Variants in LRRC53 observed in about 807,000 individuals in gnomAD.
LRRC53 encodes leucine rich repeat containing 53, also known as leucine-rich repeat-containing protein 53.
Under a neutral mutation model 13.6 loss-of-function variants are expected in LRRC53, and 25 were observed. The observed-to-expected ratio is 1.83, with a 90% confidence interval of 1.34 to 2.56. LRRC53 has a LOEUF of 2.56. Ranked by LOEUF, LRRC53 falls within the 30% of genes most tolerant of loss-of-function variation. The pLI, the probability that LRRC53 is intolerant of heterozygous loss-of-function variation, is 0.00. For missense variants in LRRC53, 527 were observed against 275.8 expected (o/e 1.91, Z -6.45); for synonymous variants, 204 against 109.8 (o/e 1.86, Z -5.37).
chr1:74,470,003 C>G lies in LRRC53; in HGVS notation c.3619G>C (p.Glu1207Gln). The change falls in exon 5 of 5, where the codon GAG (glutamate) becomes CAG (glutamine). Residue 1207 changes from glutamate to glutamine, a missense_variant. By Grantham distance (29) the Glu-to-Gln change is conservative. Coordinates refer to ENST00000294635, the MANE Select transcript of LRRC53 (RefSeq NM_001382280.1). ...SFLPGLKDSFEAENEVFLVPS... is the reference protein window; with the variant it reads ...SFLPGLKDSFQAENEVFLVPS... ...ACTAAAAACACCTCATTTTCTGCCT[C>G]AAAACTGTCTTTTAACCCTGGTAAG... The G allele has an allele frequency of 2.5e-6, 1 of 400,700 alleles. No individual in the cohort carries two copies. Among genetic ancestry groups the G allele is most frequent in the Non-Finnish European group, 4.4e-6 (1 of 226,162 alleles). The allele number at this position is 400,700 out of a possible 1,614,324, so 24.8% of individuals were successfully genotyped here.
intron 1 of LRRC53, among the ~76,000 whole-genome samples, chr1:74,487,759 C>T (rs796367191): frequency 8.5e-5 from 13 of 152,250 alleles, no homozygotes; most frequent in African/African-American, 3.1e-4. Flanking sequence ...TTTGGAACTG[C>T]TCGTAATAAA....
In LRRC53 at chr1:74,471,937, T is replaced by G. The variant is rs1446639739; in HGVS notation, c.1685A>C (p.Lys562Thr). The G allele has an allele frequency of 3.8e-6, 2 of 522,918 alleles. No homozygotes were observed. The highest frequency in any genetic ancestry group is 6.8e-6 in the Non-Finnish European group (2 of 293,226). 32.4% of individuals were successfully genotyped at this position (522,918 alleles called of 1,614,324 possible). Residue 562 changes from lysine (K) to threonine (T), a missense_variant, in exon 5 of 5, where the codon AAA (lysine) becomes ACA (threonine). Transcript: ENST00000294635. The stretch of plus-strand genomic sequence containing the variant: ...ATTGTTTGGCTGAAAATACCTAGGT[T>G]TGCTCTGTTTTAACAGTCCACAAGG... ...DDPCGLLKQSKPRYFQPNNSL... is the reference protein window; with the variant it reads ...DDPCGLLKQSTPRYFQPNNSL...
the LRRC53 span, among the ~76,000 whole-genome samples, chr1:74,535,033 T>C: frequency 1.4e-4 from 21 of 151,604 alleles, no homozygotes; most frequent in African/African-American, 5.1e-4. Context: ...GGCATGTATG[T>C]AAAAATCAGG....
rs1306515090 is a variant in LRRC53, at chr1:74,480,650, A to T, written c.407T>A (p.Leu136His). The change falls in exon 3 of 5, where the codon CTC becomes CAC. Residue 136 changes from leucine to histidine, a missense_variant. Transcript: ENST00000294635. The stretch of plus-strand genomic sequence containing the variant: ...AGTAATCTGATTCCCATCCAGCTGG[A>T]GCCGGGTCAGGCCGCTTGTGTTTCG... ...WFRNTSGLTR[L>H]QLDGNQITNL... 2.8e-6 allele frequency: 2 copies of T among 717,266 alleles called. No individual in the cohort carries two copies. Among genetic ancestry groups the T allele is most frequent in the East Asian group, 2.7e-5 (1 of 37,284 alleles). The allele number at this position is 717,266 out of a possible 1,614,324, so 44.4% of individuals were successfully genotyped here.
chr1:74,495,362 T>C (rs1273718048), intron 1 of LRRC53, among the ~76,000 whole-genome samples: 2 of 152,228 alleles, frequency 1.3e-5, no homozygotes, highest in African/African-American at 4.8e-5. Flanking sequence ...GTATGTTCTA[T>C]TCATTACTGT....
chr1:74,518,500 A>G, the LRRC53 span, among the ~76,000 whole-genome samples: 1 of 151,884 alleles, frequency 6.6e-6, no homozygotes, highest in Non-Finnish European at 1.5e-5. Context: ...TGATTCTCCC[A>G]CCTCAATATG....
intron 1 of LRRC53, among the ~76,000 whole-genome samples, chr1:74,509,116 A>C (rs1670053823): frequency 1.3e-5 from 2 of 152,136 alleles, no homozygotes; most frequent in Admixed American, 1.3e-4. Context: ...TCTCTTTGAG[A>C]TAGTAGAGCA....
chr1:74,535,214 C>A, the LRRC53 span, among the ~76,000 whole-genome samples: 1 of 152,130 alleles, frequency 6.6e-6, no homozygotes, highest in East Asian at 1.9e-4. Context: ...CTGTGGCTCA[C>A]ACCTGTAATC....
At position 74,480,529 on chromosome 1, in the gene LRRC53, G is replaced by A. The variant is rs1668436286; in HGVS notation, c.528C>T (p.Ala176=). 1.4e-6 allele frequency: 1 copy of A among 717,396 alleles called. No homozygotes were observed. The highest frequency in any genetic ancestry group is 2.6e-6 in the Non-Finnish European group (1 of 385,114). The allele number at this position is 717,396 out of a possible 1,614,324, so 44.4% of individuals were successfully genotyped here. ...CCTGTAGTTGAGGCAGGGGCCGGAA[G>A]GCATCTTTCCCAATGTAGGAAATAA... The part of the protein sequence containing the change: ...NNFISYIGKD[A]FRPLPQLQEV... The change falls in exon 3 of 5, where the codon GCC becomes GCT. Residue 176 remains alanine, a synonymous_variant. Coordinates refer to ENST00000294635, the MANE Select transcript of LRRC53 (RefSeq NM_001382280.1).
chr1:74,493,154 A>G (rs1669162125), intron 1 of LRRC53, among the ~76,000 whole-genome samples: 1 of 152,194 alleles, frequency 6.6e-6, no homozygotes, highest in Admixed American at 6.5e-5. Context: ...AGTCCATAGC[A>G]ATAGGTAAAT....
Position 74,470,505 on chromosome 1 carries a change from A to G in LRRC53, c.3117T>C (p.Ser1039=), listed in dbSNP as rs1019564598. ...CGGCTTGACTACTAACAGGAGAAGT[A>G]CTGATATCCTTGGGAAGTTCTATTC... is the stretch of plus-strand genomic sequence containing the variant. The part of the protein sequence containing the change: ...QNRIELPKDI[S]TSPVSSQAVW... Residue 1039 remains serine, a synonymous_variant, in exon 5 of 5, where the codon AGT becomes AGC. Coordinates refer to ENST00000294635, the MANE Select transcript of LRRC53 (RefSeq NM_001382280.1). 10 of 400,600 alleles carry G rather than the reference A, an allele frequency of 2.5e-5. No homozygotes were observed. The highest frequency in any genetic ancestry group is 3.5e-5 in the Non-Finnish European group (8 of 226,208). 24.8% of individuals were successfully genotyped at this position (400,600 alleles called of 1,614,324 possible).
chr1:74,486,799 C>T (rs925774313), intron 1 of LRRC53, among the ~76,000 whole-genome samples: 78 of 151,088 alleles, frequency 5.2e-4, no homozygotes, highest in Admixed American at 1.5e-3. Flanking sequence ...AGCCAATGAG[C>T]GCAGAAAAAA....
intron 1 of LRRC53, among the ~76,000 whole-genome samples, chr1:74,499,287 A>G (rs1244905022): frequency 1.1e-4 from 16 of 152,200 alleles, no homozygotes; most frequent in Non-Finnish European, 2.9e-5. Context: ...GACTACAGGC[A>G]TGCGCCACCA....
At position 74,471,825 on chromosome 1, in the gene LRRC53, A is replaced by T; in HGVS notation, c.1797T>A (p.Pro599=). 1 of 435,284 alleles carries T rather than the reference A, an allele frequency of 2.3e-6. No individual in the cohort carries two copies. The highest frequency in any genetic ancestry group is 4.1e-6 in the Non-Finnish European group (1 of 246,866). 27.0% of individuals were successfully genotyped at this position (435,284 alleles called of 1,614,324 possible). A position where few individuals can be genotyped will look rare whatever the true frequency, so the allele number is the denominator to read the frequency against. The change falls in exon 5 of 5, where the codon CCT becomes CCA. Residue 599 remains proline (P), a synonymous_variant. Coordinates refer to ENST00000294635, the MANE Select transcript of LRRC53 (RefSeq NM_001382280.1). The part of the protein sequence containing the change: ...KKPNRRQHSK[P]EKEQIQINSA... ...TGTTAATTTGGATTTGCTCTTTCTC[A>T]GGCTTTGAGTGTTGTCTACGATTTG...
chr1:74,520,454 C>T, the LRRC53 span, among the ~76,000 whole-genome samples: 2 of 151,894 alleles, frequency 1.3e-5, no homozygotes, highest in African/African-American at 2.4e-5. Context: ...ATGGAGAAAT[C>T]GACCTTCTCA....
chr1:74,476,186 C>T (rs1210151872), intron 3 of LRRC53, among the ~76,000 whole-genome samples: 1 of 152,174 alleles, frequency 6.6e-6, no homozygotes, highest in African/African-American at 2.4e-5. Context: ...CTTCTAATCT[C>T]AGACTGCCTG....
chr1:74,513,952 A>G (rs960444168), upstream of LRRC53, among the ~76,000 whole-genome samples: 3 of 152,200 alleles, frequency 2.0e-5, no homozygotes, highest in African/African-American at 7.2e-5. Context: ...AGGGGAGTAA[A>G]TAATCTTCCA....
At chr1:74,530,421 G>T in the LRRC53 span, among the ~76,000 whole-genome samples, 1 of 152,282 alleles carries the variant, frequency 6.6e-6, no homozygotes, top group Non-Finnish European at 1.5e-5. Flanking sequence ...AAAATGAGTT[G>T]TTAGGTGGGG....
chr1:74,492,144 T>C, intron 1 of LRRC53: 1 of 1,612,998 alleles, frequency 6.2e-7, no homozygotes, highest in Non-Finnish European at 8.5e-7. Flanking sequence ...TCTCACCTTC[T>C]TCTTCTTCTG....
Sources: gnomAD v4.1 joint callset for allele counts (sites outside exome capture counted in the v4.1 genomes callset) on GRCh38, gnomAD v4.1.1 for gene constraint, MANE v1.5 for transcripts, NCBI Gene and HGNC (gene_info 2026-07-23, HGNC 2026-07-21) for gene names.